ESRP1: variants seen among roughly 807,000 people sequenced by gnomAD.
ESRP1 encodes the protein RNA-binding motif protein 35A.
ESRP1 carries 33 observed loss-of-function variants against 81.7 expected under a neutral mutation model. The observed-to-expected ratio is 0.40, with a 90% CI of 0.31 to 0.54. The LOEUF (loss-of-function observed/expected upper bound fraction) is 0.54, where lower values mean the gene tolerates loss of function less well. Among genes scored for constraint, ESRP1 ranks in the 20% least tolerant of loss-of-function variants. The probability of loss-of-function intolerance (pLI) is 0.41; values close to 1 mark genes in which losing one functional copy is unlikely to be tolerated. For missense variants in ESRP1, 672 were observed against 833.1 expected (o/e 0.81, Z 2.38); for synonymous variants, 320 against 303.3 (o/e 1.06, Z -0.57).
chr8:94,682,901 ATTT>A (rs1415180200), intron 13 of ESRP1, among the ~76,000 whole-genome samples: 23 of 38,690 alleles, frequency 5.9e-4, no homozygotes, highest in African/African-American at 2.6e-3. Context: ...TATATTCATT[ATTT>A]TATATATATA....
intron 9 of ESRP1, 42 bp downstream of exon 9, chr8:94,665,238 C>A (rs769010317): frequency 1.9e-6 from 3 of 1,589,696 alleles, no homozygotes; most frequent in African/African-American, 2.7e-5. Context: ...TAATAAGAAT[C>A]TAAAAATTTT....
intron 4 of ESRP1, among the ~76,000 whole-genome samples, chr8:94,646,884 A>C (rs898819934): frequency 6.6e-6 from 1 of 152,234 alleles, no homozygotes; most frequent in South Asian, 2.1e-4. Flanking sequence ...TTACAAATCT[A>C]TAATCATGAA....
intron 4 of ESRP1, among the ~76,000 whole-genome samples, chr8:94,658,112 A>G (rs1818529366): frequency 6.6e-6 from 1 of 152,156 alleles, no homozygotes; most frequent in South Asian, 2.1e-4. Flanking sequence ...GGAGTTCACC[A>G]TGTTGGCTAG....
chr8:94,679,021 A>C (rs373267705), intron 13 of ESRP1, among the ~76,000 whole-genome samples: 1 of 152,194 alleles, frequency 6.6e-6, no homozygotes, highest in African/African-American at 2.4e-5. Context: ...TTTGGAGTAC[A>C]TGCACGAGCA....
chr8:94,698,120 A>G (rs73265259), intron 15 of ESRP1, among the ~76,000 whole-genome samples: 166 of 152,342 alleles, frequency 1.1e-3, no homozygotes, highest in African/African-American at 3.9e-3. Context: ...AATATACACA[A>G]CAAAACTTAA....
At chr8:94,699,907 A>AT (rs369224573) in intron 15 of ESRP1, among the ~76,000 whole-genome samples, 3,082 of 142,196 alleles carry the variant, frequency 0.022, 100 homozygotes, top group African/African-American at 0.076. Context: ...TTTTATATAT[A>AT]TTTTTTTACC....
chr8:94,705,234 C>G (rs1431203842), intron 15 of ESRP1, among the ~76,000 whole-genome samples: 6 of 141,022 alleles, frequency 4.3e-5, no homozygotes, highest in African/African-American at 8.1e-5. Flanking sequence ...ATGGCATGAC[C>G]TTGGCTCACT....
chr8:94,664,709 A>G lies in ESRP1; in HGVS notation c.657A>G (p.Glu219=). ...KFESGTCSKM[E]LIDDNTVVRA... is the part of the protein sequence containing the mutation. ...GCTTCATCCACAGCAGCAAGATGGAACTTATTGATGATAACACCGTAGTCA... is the reference window on the plus strand; with the variant it reads ...GCTTCATCCACAGCAGCAAGATGGAGCTTATTGATGATAACACCGTAGTCA... The change falls in exon 7 of 16, where the codon GAA becomes GAG. Residue 219 remains glutamate (E), a synonymous_variant. Coordinates refer to ENST00000433389, the MANE Select transcript of ESRP1 (RefSeq NM_017697.4). The G allele has an allele frequency of 6.2e-7, 1 of 1,613,724 alleles. No individual in the cohort carries two copies. Among genetic ancestry groups the G allele is most frequent in the Non-Finnish European group, 8.5e-7 (1 of 1,179,652 alleles).
In ESRP1 at chr8:94,643,283, T is replaced by C; in HGVS notation, c.262-20T>C. The C allele has an allele frequency of 2.7e-6, 4 of 1,490,304 alleles. No individual in the cohort carries two copies. The highest frequency in any genetic ancestry group is 2.8e-6 in the Non-Finnish European group (3 of 1,067,268). The allele number at this position is 1,490,304 out of a possible 1,614,324, so 92.3% of individuals were successfully genotyped here. A position where few individuals can be genotyped will look rare whatever the true frequency, so the allele number is the denominator to read the frequency against. Reference sequence around the variant, plus strand: ...AAATCGTGCATCAGTTGCATCCCTATGTGTATCTTGTTCTTGCAGTTTAAC... The same window carrying C: ...AAATCGTGCATCAGTTGCATCCCTACGTGTATCTTGTTCTTGCAGTTTAAC... On this transcript the variant is annotated intron_variant, in intron 2 of 15. Transcript: ENST00000433389.
chr8:94,703,280 G>A (rs531404016), intron 15 of ESRP1, among the ~76,000 whole-genome samples: 77 of 151,960 alleles, frequency 5.1e-4, no homozygotes, highest in African/African-American at 1.6e-3. Flanking sequence ...TCAGCCTCCC[G>A]AGTAGCTGGG....
chr8:94,642,106 A>G (rs1040798063), intron 2 of ESRP1, 22 bp downstream of exon 2: 24 of 1,605,826 alleles, frequency 1.5e-5, no homozygotes, highest in Non-Finnish European at 1.9e-5. Flanking sequence ...GGGTCACGCC[A>G]CCCACCCCAG....
chr8:94,641,741 C>T (rs1227416812), intron 1 of ESRP1: 42 of 780,524 alleles, frequency 5.4e-5, no homozygotes, highest in Non-Finnish European at 7.5e-5. Flanking sequence ...TCTCGGAGGC[C>T]CCGGGGTCCA....
chr8:94,645,764 A>T (rs1817815404), intron 3 of ESRP1, among the ~76,000 whole-genome samples: 1 of 152,220 alleles, frequency 6.6e-6, no homozygotes, highest in African/African-American at 2.4e-5. Flanking sequence ...TTACAATCTA[A>T]TCCCACACCT....
rs747438175 is a variant in ESRP1 at position 94,665,225 on chromosome 8, A to G, written c.931+29A>G. On this transcript the variant is annotated intron_variant, in intron 9 of 15. Coordinates refer to ENST00000433389, the MANE Select transcript of ESRP1 (RefSeq NM_017697.4). The stretch of plus-strand genomic sequence containing the variant: ...AGTGCCTTTTACATAATGTGGCTTT[A>G]GTTAATAAGAATCTAAAAATTTTGC... The G allele has an allele frequency of 2.4e-5, 39 of 1,602,594 alleles. No homozygotes were observed. The East Asian group carries it at 8.7e-4, about 36-fold the overall frequency.
At chr8:94,660,197 C>G (rs1311950059) in intron 4 of ESRP1, among the ~76,000 whole-genome samples, 1 of 152,196 alleles carries the variant, frequency 6.6e-6, no homozygotes, top group Admixed American at 6.5e-5. Flanking sequence ...GAGGATAAAT[C>G]AATGCTTTGC....
At chr8:94,668,813 G>GTGTGTGTGT (rs1489119099) in intron 10 of ESRP1, among the ~76,000 whole-genome samples, 8 of 151,464 alleles carry the variant, frequency 5.3e-5, no homozygotes, top group South Asian at 2.1e-4. Flanking sequence ...GTGTGTTTGA[G>GTGTGTGTGT]ATGGGGTCTT....
intron 4 of ESRP1, among the ~76,000 whole-genome samples, chr8:94,652,847 C>T (rs1818213739): frequency 6.6e-6 from 1 of 152,144 alleles, no homozygotes; most frequent in Admixed American, 6.5e-5. Context: ...CCCATTTTAT[C>T]ACTAGGGAAA....
Position 94,683,232 on chromosome 8 carries a change from C to T in ESRP1, c.1820+4861C>T, listed in dbSNP as rs112728988. Among the ~76,000 whole-genome samples the T allele has an allele frequency of 7.9e-3, 1,202 of 152,088 alleles. 6 individuals are homozygous for T. The highest frequency in any genetic ancestry group is 0.024 in the African/African-American group (994 of 41,470). On this transcript the variant is annotated intron_variant, in intron 13 of 15. Transcript: ENST00000433389. Reference sequence around the variant, plus strand: ...GTGCTGGGATTACAGGCGTAAGCCACCGCGCCCGGCCTATGAATATGTATA... The same window carrying T: ...GTGCTGGGATTACAGGCGTAAGCCATCGCGCCCGGCCTATGAATATGTATA...
intron 4 of ESRP1, among the ~76,000 whole-genome samples, chr8:94,652,796 T>C (rs1195704759): frequency 3.9e-5 from 6 of 152,328 alleles, no homozygotes; most frequent in Non-Finnish European, 7.4e-5. Context: ...ATTGACTTCT[T>C]ACTACATATG....
Sources: gnomAD v4.1 joint callset for allele counts (sites outside exome capture counted in the v4.1 genomes callset) on GRCh38, gnomAD v4.1.1 for gene constraint, MANE v1.5 for transcripts, NCBI Gene and HGNC (gene_info 2026-07-23, HGNC 2026-07-21) for gene names.